Variants in MOCOS observed in about 807,000 individuals in gnomAD.
MOCOS encodes molybdenum cofactor sulfurase, also known as human molybdenum cofactor sulfurase.
In MOCOS, 86 loss-of-function variants were observed where a neutral mutation model predicts 83.6. The ratio of observed to expected loss-of-function variants is 1.03; its 90% CI spans 0.86 to 1.23. The LOEUF (loss-of-function observed/expected upper bound fraction) is 1.23. Among genes scored for constraint, MOCOS ranks in the 50% most tolerant of loss-of-function variants. The probability of loss-of-function intolerance (pLI) is 0.00; values close to 1 mark genes in which losing one functional copy is unlikely to be tolerated. For missense variants in MOCOS, 1,120 were observed against 1,126.9 expected, an observed-to-expected ratio of 0.99 and a Z score of 0.09; for synonymous variants, 445 against 434.7, an observed-to-expected ratio of 1.02 and a Z score of -0.29.
rs372231873 is a variant in MOCOS at position 36,220,198 on chromosome 18, C to T, written c.1941C>T (p.Ile647=). 1 of 1,614,152 alleles carries T rather than the reference C, an allele frequency of 6.2e-7. No homozygotes were observed. The highest frequency in any genetic ancestry group is 1.3e-5 in the African/African-American group (1 of 75,032). The change falls in exon 9 of 15, where the codon ATC becomes ATT. Residue 647 remains isoleucine (I), a synonymous_variant. Transcript: ENST00000261326. ...CCTTCATCGACTTGCGGCAAAGGATCATGGTCATCAAAGCCAAAGGTGGGA... is the reference window on the plus strand; with the variant it reads ...CCTTCATCGACTTGCGGCAAAGGATTATGGTCATCAAAGCCAAAGGTGGGA... The part of the protein sequence containing the change: ...IQPFIDLRQR[I]MVIKAKGMEP...
chr18:36,224,244 A>G (rs1053515162), intron 9 of MOCOS, among the ~76,000 whole-genome samples: 3 of 152,090 alleles, frequency 2.0e-5, no homozygotes, highest in South Asian at 2.1e-4. Flanking sequence ...AACAAGGACA[A>G]TTTTACTTCC....
intron 1 of MOCOS, among the ~76,000 whole-genome samples, chr18:36,187,973 C>T (rs920193675): frequency 3.9e-5 from 6 of 152,248 alleles, no homozygotes; most frequent in African/African-American, 1.4e-4. Context: ...TTCTTGCCCT[C>T]TCTTGCGGGA....
intron 9 of MOCOS, among the ~76,000 whole-genome samples, chr18:36,236,358 A>G (rs1176369458): frequency 1.9e-5 from 2 of 107,454 alleles, no homozygotes; most frequent in Admixed American, 1.1e-4. Context: ...ATGGCTAGCC[A>G]GTTTTCCCAG....
At chr18:36,195,008 G>C (rs1347050099) in intron 1 of MOCOS, among the ~76,000 whole-genome samples, 1 of 152,230 alleles carries the variant, frequency 6.6e-6, no homozygotes, top group African/African-American at 2.4e-5. Flanking sequence ...GTGGGATGCT[G>C]TTCCAGGTTC....
intron 2 of MOCOS, among the ~76,000 whole-genome samples, chr18:36,198,316 G>C (rs1350820850): frequency 1.3e-5 from 2 of 152,158 alleles, no homozygotes; most frequent in African/African-American, 2.4e-5. Flanking sequence ...TTGAGCCCAG[G>C]AGTTTGAGGC....
At chr18:36,222,520 A>G (rs1243770449) in intron 9 of MOCOS, among the ~76,000 whole-genome samples, 1 of 151,610 alleles carries the variant, frequency 6.6e-6, no homozygotes, top group African/African-American at 2.4e-5. Context: ...CCATATACCC[A>G]TTGACCATTA....
intron 9 of MOCOS, among the ~76,000 whole-genome samples, chr18:36,247,993 G>T (rs1371504800): frequency 6.6e-6 from 1 of 152,056 alleles, no homozygotes; most frequent in Non-Finnish European, 1.5e-5. Flanking sequence ...GGATCATACG[G>T]TATTTTTATT....
intron 13 of MOCOS, among the ~76,000 whole-genome samples, chr18:36,262,177 T>C (rs1485178947): frequency 1.3e-5 from 2 of 150,914 alleles, no homozygotes; most frequent in Non-Finnish European, 2.9e-5. Flanking sequence ...ATAGAAACGC[T>C]AATACAAGTA....
At chr18:36,207,318 T>A (rs2144908528) in intron 6 of MOCOS, among the ~76,000 whole-genome samples, 3 of 152,368 alleles carry the variant, frequency 2.0e-5, no homozygotes, top group Middle Eastern at 6.8e-3. Flanking sequence ...ATTACAGGCA[T>A]AAGTCACCAT....
intron 11 of MOCOS, among the ~76,000 whole-genome samples, chr18:36,255,550 T>G (rs1047790975): frequency 1.3e-5 from 2 of 152,208 alleles, no homozygotes; most frequent in African/African-American, 4.8e-5. Context: ...GACCTTGGCC[T>G]TTCCTCTGTG....
At position 36,215,906 on chromosome 18, in the gene MOCOS, G is replaced by A; in HGVS notation, c.1726G>A (p.Glu576Lys). The A allele has an allele frequency of 1.9e-6, 3 of 1,613,918 alleles. No individual in the cohort carries two copies. Among genetic ancestry groups the A allele is most frequent in the Non-Finnish European group, 2.5e-6 (3 of 1,179,832 alleles). ...TPSEKAAGVL[E>K]GALGPHVVTN... ...TTCAGAGAAAGCTGCAGGAGTCCTGGAGGGGGCCCTTGGGCCACATGTTGT... is the reference window on the plus strand; with the variant it reads ...TTCAGAGAAAGCTGCAGGAGTCCTGAAGGGGGCCCTTGGGCCACATGTTGT... Residue 576 changes from glutamate (E) to lysine (K), a missense_variant, in exon 8 of 15, where the codon GAG becomes AAG. Coordinates refer to ENST00000261326, the MANE Select transcript of MOCOS (RefSeq NM_017947.4).
chr18:36,259,115 C>T (rs764808969), intron 12 of MOCOS, among the ~76,000 whole-genome samples: 96 of 151,788 alleles, frequency 6.3e-4, no homozygotes, highest in Non-Finnish European at 1.2e-3. Flanking sequence ...TTTTTGGAAC[C>T]TCATGGCAAT....
At chr18:36,267,043 A>G (rs1200114162) in intron 14 of MOCOS, among the ~76,000 whole-genome samples, 190 bp downstream of exon 14, 1 of 132,878 alleles carries the variant, frequency 7.5e-6, no homozygotes, top group Non-Finnish European at 1.7e-5. Flanking sequence ...CCAAGTTCTC[A>G]CTTTTTTTTG....
intron 13 of MOCOS, 42 bp downstream of exon 13, chr18:36,260,217 C>A: frequency 1.2e-6 from 2 of 1,613,446 alleles, no homozygotes; most frequent in South Asian, 2.2e-5. Context: ...CCAGGGTTGT[C>A]AATGAAGATT....
At position 36,198,671 on chromosome 18, in the gene MOCOS, T is replaced by C. The variant is rs199777638; in HGVS notation, c.233-19T>C. 18 of 1,613,896 alleles carry C rather than the reference T, an allele frequency of 1.1e-5. No homozygotes were observed. Among genetic ancestry groups the C allele is most frequent in the Non-Finnish European group, 1.4e-5 (17 of 1,179,894 alleles). On this transcript the variant is annotated intron_variant, in intron 2 of 14. Coordinates refer to ENST00000261326, the MANE Select transcript of MOCOS (RefSeq NM_017947.4). ...ACCCTAAGTAGTGACTTGGTGGCCT[T>C]GTCTTTGTAACCTGCCAGGTAATCC...
At chr18:36,261,193 C>T (rs762581238) in intron 13 of MOCOS, among the ~76,000 whole-genome samples, 35 of 152,018 alleles carry the variant, frequency 2.3e-4, no homozygotes, top group Non-Finnish European at 3.7e-4. Flanking sequence ...TTTTATAATA[C>T]AGGCTGAACA....
chr18:36,225,838 G>T (rs1598882193), intron 9 of MOCOS, among the ~76,000 whole-genome samples: 1 of 151,360 alleles, frequency 6.6e-6, no homozygotes, highest in East Asian at 1.9e-4. Context: ...ACATATTTGT[G>T]AATTTTTCCA....
chr18:36,260,248 A>T (rs2091658898), intron 13 of MOCOS, 73 bp downstream of exon 13: 1 of 1,598,142 alleles, frequency 6.3e-7, no homozygotes. Context: ...CCAGACCTGG[A>T]TAGCTGCAGG....
chr18:36,244,944 C>G (rs1266348081), intron 9 of MOCOS, among the ~76,000 whole-genome samples: 1 of 152,110 alleles, frequency 6.6e-6, no homozygotes, highest in Non-Finnish European at 1.5e-5. Flanking sequence ...AGAATAGCTA[C>G]TCCTGCTCAC....
Sources: allele counts gnomAD v4.1 joint callset (sites outside exome capture counted in the v4.1 genomes callset), GRCh38; gene constraint gnomAD v4.1.1; transcripts MANE v1.5; gene names NCBI Gene and HGNC (gene_info 2026-07-23, HGNC 2026-07-21).